The following EP400 variants were observed in gnomAD, a reference collection of about 807,000 sequenced individuals.
The protein encoded by EP400 is E1A-binding protein p400.
In EP400, 105 loss-of-function variants were observed where a neutral mutation model predicts 354.1. That is an observed-to-expected ratio of 0.30 (90% CI 0.25 to 0.35). EP400 has a LOEUF of 0.35. EP400 is among the 10% of genes least tolerant of loss of function. The pLI, the probability that EP400 is intolerant of heterozygous loss-of-function variation, is 1.00. For synonymous variants in EP400, 1,646 were observed against 1,716.9 expected, an observed-to-expected ratio of 0.96 and a Z score of 1.02; for missense variants, 3,280 against 4,121.0, an observed-to-expected ratio of 0.80 and a Z score of 5.59.
intron 45 of EP400, among the ~76,000 whole-genome samples, chr12:132,057,637 A>C (rs1382027889): frequency 6.6e-6 from 1 of 152,194 alleles, no homozygotes; most frequent in East Asian, 1.9e-4. Flanking sequence ...AAGCAGTAGA[A>C]TATATATACA....
chr12:132,021,158 C>T lies in EP400; in HGVS notation c.4527C>T (p.Ala1509=), dbSNP rs375045530. Residue 1509 remains alanine (A), a synonymous_variant, in exon 23 of 53, where the codon GCC becomes GCT. Coordinates refer to ENST00000389561, the MANE Select transcript of EP400 (RefSeq NM_015409.5). The part of the protein sequence containing the change: ...RHQPASASST[A]ASPAHPAKLR... ...AGCCCGCCTCGGCCTCCAGCACAGC[C>T]GCTAGCCCGGCCCATCCTGCGAAAC... The T allele has an allele frequency of 1.2e-4, 194 of 1,600,994 alleles. No homozygotes were observed. The highest frequency in any genetic ancestry group is 1.7e-4 in the Middle Eastern group (1 of 6,060).
Position 132,029,480 on chromosome 12 carries a change from A to G in EP400, c.5382-221A>G. On this transcript the variant is annotated intron_variant, in intron 27 of 52. Transcript: ENST00000389561. The surrounding 1 kb of genome is among the most constrained non-coding windows in gnomAD (Gnocchi z 4.7). ...GATCCATCAGCCCTGGACTGTCTGA[A>G]TTAGTCCCCGAGGTGGTGGTTATTG... The G allele has an allele frequency of 1.7e-6, 1 of 598,396 alleles. No homozygotes were observed. The allele number at this position is 598,396 out of a possible 1,614,324, so 37.1% of individuals were successfully genotyped here. A position where few individuals can be genotyped will look rare whatever the true frequency, so the allele number is the denominator to read the frequency against.
intron 1 of EP400, among the ~76,000 whole-genome samples, chr12:131,952,925 T>G (rs559911286): frequency 6.6e-6 from 1 of 152,260 alleles, no homozygotes; most frequent in African/African-American, 2.4e-5. Flanking sequence ...CAGAAATACA[T>G]AGAGCTCGTT....
At position 132,075,937 on chromosome 12, in the gene EP400, A is replaced by G. The variant is rs1896222442; in HGVS notation, c.9022-579A>G. 1 of 184,620 alleles carries G rather than the reference A, an allele frequency of 5.4e-6. No individual in the cohort carries two copies. Among genetic ancestry groups the G allele is most frequent in the Non-Finnish European group, 1.2e-5 (1 of 86,566 alleles). 11.4% of individuals were successfully genotyped at this position (184,620 alleles called of 1,614,324 possible). A position where few individuals can be genotyped will look rare whatever the true frequency, so the allele number is the denominator to read the frequency against. On this transcript the variant is annotated intron_variant, in intron 51 of 52. Coordinates refer to ENST00000389561, the MANE Select transcript of EP400 (RefSeq NM_015409.5). The surrounding 1 kb of genome is among the most constrained non-coding windows in gnomAD (Gnocchi z 4.5). ...TGGCCCAGAGCCTCTTACTACGTCA[A>G]GACAGCGGGAGATGCATGCAGTAGC...
chr12:132,041,078 C>G (rs1339578914), intron 32 of EP400, among the ~76,000 whole-genome samples: 1 of 152,240 alleles, frequency 6.6e-6, no homozygotes, highest in Non-Finnish European at 1.5e-5. Flanking sequence ...CTGCTCCTCA[C>G]TGGCTTGACC....
At chr12:132,032,566 A>T (rs1380658377) in intron 30 of EP400, among the ~76,000 whole-genome samples, 1 of 152,270 alleles carries the variant, frequency 6.6e-6, no homozygotes, top group Non-Finnish European at 1.5e-5. Flanking sequence ...ATCTGTTAGT[A>T]AAATGGCTAT....
intron 25 of EP400, among the ~76,000 whole-genome samples, chr12:132,026,204 C>T (rs1197287993): frequency 6.6e-6 from 1 of 152,212 alleles, no homozygotes; most frequent in Non-Finnish European, 1.5e-5. Context: ...TGTCTCGCCA[C>T]CTGCTTCACC....
At chr12:132,045,648 G>T in intron 38 of EP400, 79 bp from the exon 39 acceptor site, 1 of 1,603,344 alleles carries the variant, frequency 6.2e-7, no homozygotes, top group Non-Finnish European at 8.5e-7. Flanking sequence ...TGATCACTTT[G>T]CAGGGAGTCT....
intron 21 of EP400, among the ~76,000 whole-genome samples, chr12:132,019,213 A>G (rs1241940408): frequency 2.0e-5 from 3 of 152,130 alleles, no homozygotes; most frequent in Non-Finnish European, 2.9e-5. Flanking sequence ...AAAGTTTATA[A>G]AAGTTTTTAA....
chr12:132,057,092 C>T (rs961374888), intron 45 of EP400, among the ~76,000 whole-genome samples: 2 of 152,210 alleles, frequency 1.3e-5, no homozygotes, highest in Admixed American at 6.5e-5. Context: ...AGTCCACAGT[C>T]GCTTCCTAAA....
intron 45 of EP400, among the ~76,000 whole-genome samples, chr12:132,060,034 AG>A (rs908540903): frequency 6.6e-6 from 1 of 151,860 alleles, no homozygotes; most frequent in African/African-American, 2.4e-5. Flanking sequence ...AAAAAAAAAA[AG>A]TTATGCTTTC....
At chr12:131,971,061 G>C (rs142692499) in intron 2 of EP400, among the ~76,000 whole-genome samples, 145 of 152,276 alleles carry the variant, frequency 9.5e-4, no homozygotes, top group African/African-American at 3.3e-3. Context: ...AATTAGCCAG[G>C]TGTGGCATGT....
chr12:132,040,614 G>A (rs1300045939), intron 32 of EP400, among the ~76,000 whole-genome samples: 2 of 152,084 alleles, frequency 1.3e-5, no homozygotes, highest in East Asian at 1.9e-4. Flanking sequence ...ATACAGGGTC[G>A]AAAAAAGACA....
At position 132,017,619 on chromosome 12, in the gene EP400, G is replaced by C; in HGVS notation, c.4008G>C (p.Gly1336=). Residue 1336 remains glycine, a synonymous_variant, in exon 20 of 53, where the codon GGG becomes GGC. Coordinates refer to ENST00000389561, the MANE Select transcript of EP400 (RefSeq NM_015409.5). This position sits in a 1 kb window ranked among gnomAD's most constrained non-coding sequence, Gnocchi z 5.0. ...VRLQRICNHP[G]LVEPRHPGSS... is the part of the protein sequence containing the mutation. ...TGCAGCGCATCTGCAACCACCCTGGGCTCGTCGAGCCCCGGCACCCAGGCT... is the reference window on the plus strand; with the variant it reads ...TGCAGCGCATCTGCAACCACCCTGGCCTCGTCGAGCCCCGGCACCCAGGCT... 1 of 1,612,206 alleles carries C rather than the reference G, an allele frequency of 6.2e-7. No individual in the cohort carries two copies. Among genetic ancestry groups the C allele is most frequent in the Non-Finnish European group, 8.5e-7 (1 of 1,179,008 alleles).
chr12:132,063,971 C>T (rs530651314), intron 47 of EP400, among the ~76,000 whole-genome samples: 54 of 151,226 alleles, frequency 3.6e-4, no homozygotes, highest in Middle Eastern at 3.4e-3. Context: ...TTGACCCCCC[C>T]GGCCCACAGC....
chr12:132,001,145 A>G (rs1165668917), intron 12 of EP400, among the ~76,000 whole-genome samples: 1 of 152,002 alleles, frequency 6.6e-6, no homozygotes, highest in Admixed American at 6.5e-5. Context: ...GAGATAAAAG[A>G]AAAGACAGCT....
At chr12:132,065,054 G>A (rs770487835) in intron 48 of EP400, 168 bp downstream of exon 48, 73 of 1,259,200 alleles carry the variant, frequency 5.8e-5, no homozygotes, top group Middle Eastern at 2.8e-4. Flanking sequence ...CTCACCACTC[G>A]TGGAACATTA....
At position 131,966,903 on chromosome 12, in the gene EP400, CAAAAAAA is replaced by C. The variant is rs1179689543; in HGVS notation, c.1335+4965_1335+4971del. On this transcript the variant is annotated intron_variant, in intron 2 of 52. Transcript: ENST00000389561. Reference sequence around the variant, plus strand: ...TGGGTGACAAGAGTGAGACTTGTCTCAAAAAAAAAAAAAAAAAAAAAACCTATGTGTA... The same window carrying C: ...TGGGTGACAAGAGTGAGACTTGTCTCAAAAAAAAAAAAAAACCTATGTGTA... Among the ~76,000 whole-genome samples, 1,025 of 57,840 alleles carry C rather than the reference CAAAAAAA, an allele frequency of 0.018. 31 individuals carry two copies. In the South Asian group the frequency reaches 0.23, roughly 13 times the overall value. 37.9% of individuals were successfully genotyped at this position (57,840 alleles called of 152,430 possible). A position where few individuals can be genotyped will look rare whatever the true frequency, so the allele number is the denominator to read the frequency against.
At chr12:132,076,007 A>C (rs1896224686) in intron 51 of EP400, 1 of 219,102 alleles carries the variant, frequency 4.6e-6, no homozygotes, top group African/African-American at 2.3e-5. Flanking sequence ...TTGCTTTATA[A>C]ATAGCCAGAT....
Sources: gnomAD v4.1 joint callset for allele counts (sites outside exome capture counted in the v4.1 genomes callset) on GRCh38, gnomAD v4.1.1 for gene constraint, Gnocchi (gnomAD v3.1) non-coding constraint, MANE v1.5 for transcripts, NCBI Gene and HGNC (gene_info 2026-07-23, HGNC 2026-07-21) for gene names.